PRRC2C: variants seen among roughly 807,000 people sequenced by gnomAD.
PRRC2C encodes protein PRRC2C.
A neutral mutation model predicts 317.2 loss-of-function variants in PRRC2C; 72 were observed. The observed-to-expected ratio is 0.23, with a 90% CI of 0.19 to 0.28. The LOEUF is 0.28. Among genes scored for constraint, PRRC2C ranks in the 10% least tolerant of loss-of-function variants. PRRC2C has a pLI of 1.00. For missense variants in PRRC2C, 3,074 were observed against 3,459.7 expected (o/e 0.89, Z 2.80); for synonymous variants, 1,296 against 1,205.9 (o/e 1.07, Z -1.55).
intron 17 of PRRC2C, among the ~76,000 whole-genome samples, chr1:171,546,950 A>G (rs1023865856): frequency 6.6e-6 from 1 of 151,838 alleles, no homozygotes; most frequent in African/African-American, 2.4e-5. Flanking sequence ...TAATAGGCCC[A>G]GGGCAGTGGC....
intron 1 of PRRC2C, among the ~76,000 whole-genome samples, chr1:171,506,105 T>C (rs1299324732): frequency 6.6e-6 from 1 of 152,134 alleles, no homozygotes; most frequent in Non-Finnish European, 1.5e-5. Flanking sequence ...CCATTTTGGC[T>C]AGACTGGTCT....
In PRRC2C at chr1:171,540,199, G is replaced by A; in HGVS notation, c.2733G>A (p.Glu911=). The change falls in exon 16 of 35, where the codon GAG becomes GAA. Residue 911 remains glutamate, a synonymous_variant. Coordinates refer to ENST00000647382, the MANE Select transcript of PRRC2C (RefSeq NM_001387844.1). ...AAAAGACCTTATCCGCTCCTCAAGAGGAGCGGATTTCAGCTGTAGAAAGTC... is the reference window on the plus strand; with the variant it reads ...AAAAGACCTTATCCGCTCCTCAAGAAGAGCGGATTTCAGCTGTAGAAAGTC... The part of the protein sequence containing the change: ...PDQKTLSAPQ[E]ERISAVESQP... The A allele has an allele frequency of 3.7e-6, 6 of 1,613,910 alleles. No individual in the cohort carries two copies. In the South Asian group the frequency reaches 5.5e-5, roughly 15 times the overall value.
chr1:171,532,669 G>A lies in PRRC2C; in HGVS notation c.1581G>A (p.Gln527=). The A allele has an allele frequency of 6.4e-7, 1 of 1,551,528 alleles. No individual in the cohort carries two copies. The highest frequency in any genetic ancestry group is 8.7e-7 in the Non-Finnish European group (1 of 1,147,012). The change falls in exon 12 of 35, where the codon CAG becomes CAA. Residue 527 remains glutamine (Q), a synonymous_variant. Transcript: ENST00000647382. ...REKELEKEQE[Q]EREKEREKDR... is the part of the protein sequence containing the mutation. ...AAGAACTTGAAAAAGAACAAGAACAGGAGCGAGAGAAGGAGAGGGAAAAAG... is the reference window on the plus strand; with the variant it reads ...AAGAACTTGAAAAAGAACAAGAACAAGAGCGAGAGAAGGAGAGGGAAAAAG...
intron 28 of PRRC2C, among the ~76,000 whole-genome samples, chr1:171,581,194 A>G (rs1167216577): frequency 6.6e-6 from 1 of 152,228 alleles, no homozygotes; most frequent in Non-Finnish European, 1.5e-5. Flanking sequence ...AGCCCCAACT[A>G]GAAGCTAAAG....
In PRRC2C at chr1:171,588,459, C is replaced by T; in HGVS notation, c.8153C>T (p.Ala2718Val). Reference protein sequence around the residue: ...VYQKQFQSAPATVRMTQPFPT... With the variant: ...VYQKQFQSAPVTVRMTQPFPT... ...CAGAAGCAGTTCCAGTCAGCCCCTGCCACTGTGAGAATGACACAACCATTT... is the reference window on the plus strand; with the variant it reads ...CAGAAGCAGTTCCAGTCAGCCCCTGTCACTGTGAGAATGACACAACCATTT... Residue 2718 changes from alanine (A) to valine (V), a missense_variant, in exon 33 of 35, where the codon GCC becomes GTC. Around this residue, in one of 11 missense-constraint regions of PRRC2C, gnomAD observed 490 missense variants for 663.1 expected, o/e 0.74. Coordinates refer to ENST00000647382, the MANE Select transcript of PRRC2C (RefSeq NM_001387844.1). The T allele has an allele frequency of 1.2e-6, 2 of 1,613,806 alleles. No individual in the cohort carries two copies. The highest frequency in any genetic ancestry group is 2.2e-5 in the South Asian group (2 of 91,060).
At chr1:171,512,278 A>C (rs1044763015) in intron 2 of PRRC2C, 78 bp downstream of exon 2, 9 of 1,031,702 alleles carry the variant, frequency 8.7e-6, no homozygotes, top group East Asian at 8.3e-5. Flanking sequence ...TGCTATGAGA[A>C]GCTAGGATGT....
chr1:171,512,215 G>A lies in PRRC2C; in HGVS notation c.112+15G>A, dbSNP rs771184348. 1.1e-4 allele frequency: 165 copies of A among 1,478,810 alleles called. No homozygotes were observed. The highest frequency in any genetic ancestry group is 1.4e-4 in the Non-Finnish European group (151 of 1,079,244). 91.6% of individuals were successfully genotyped at this position (1,478,810 alleles called of 1,614,324 possible). A position where few individuals can be genotyped will look rare whatever the true frequency, so the allele number is the denominator to read the frequency against. On this transcript the variant is annotated intron_variant, in intron 2 of 34. Coordinates refer to ENST00000647382, the MANE Select transcript of PRRC2C (RefSeq NM_001387844.1). ...GAAAACCACAGGTGAGTAAAATCAA[G>A]TGACACTTATGTTTTTCATGGTTTG... is the stretch of plus-strand genomic sequence containing the variant.
intron 34 of PRRC2C, chr1:171,591,379 T>TG (rs1314868209): frequency 8.6e-5 from 54 of 628,492 alleles, no homozygotes; most frequent in Non-Finnish European, 1.2e-4. Flanking sequence ...TGTGGTTTTT[T>TG]TTTTTTTTTT....
chr1:171,504,063 A>G (rs1424883689), intron 1 of PRRC2C, among the ~76,000 whole-genome samples: 1 of 152,142 alleles, frequency 6.6e-6, no homozygotes, highest in Non-Finnish European at 1.5e-5. Context: ...GACAGAGCCA[A>G]ACCATATCAC....
intron 23 of PRRC2C, among the ~76,000 whole-genome samples, chr1:171,571,027 T>G (rs1684694611): frequency 6.6e-6 from 1 of 152,212 alleles, no homozygotes; most frequent in Non-Finnish European, 1.5e-5. Flanking sequence ...ATGTACATAT[T>G]AAAATATGAG....
intron 30 of PRRC2C, among the ~76,000 whole-genome samples, chr1:171,585,863 GT>G (rs934600137): frequency 3.3e-5 from 5 of 150,952 alleles, no homozygotes; most frequent in Admixed American, 1.3e-4. Context: ...TTTCAGATTG[GT>G]TTTTTTTTGT....
In PRRC2C at chr1:171,557,240, G is replaced by T; in HGVS notation, c.5128G>T (p.Val1710Phe). The change falls in exon 19 of 35, where the codon GTC (valine) becomes TTC (phenylalanine). Residue 1710 changes from valine to phenylalanine, a missense_variant and splice_region_variant. Coordinates refer to ENST00000647382, the MANE Select transcript of PRRC2C (RefSeq NM_001387844.1). ...RRKKEEQVIQ[V>F]WNKKNANEKG... ...AAATGGTCCCCGTTAATTTTTTAAG[G>T]TCTGGAACAAAAAGAATGCAAATGA... 1.3e-6 allele frequency: 2 copies of T among 1,542,284 alleles called. No individual in the cohort carries two copies. The highest frequency in any genetic ancestry group is 1.8e-6 in the Non-Finnish European group (2 of 1,142,754).
At position 171,584,056 on chromosome 1, in the gene PRRC2C, G is replaced by A; in HGVS notation, c.7510G>A (p.Ala2504Thr). ...TCCAACTGTCCAACACCAAGAACTTGCCAAGGCACAATCCGGTCTTGCCTT... is the reference window on the plus strand; with the variant it reads ...TCCAACTGTCCAACACCAAGAACTTACCAAGGCACAATCCGGTCTTGCCTT... ...NFPTVQHQELAKAQSGLAFQQ... is the reference protein window; with the variant it reads ...NFPTVQHQELTKAQSGLAFQQ... The change falls in exon 29 of 35, where the codon GCC becomes ACC. Residue 2504 changes from alanine (A) to threonine (T), a missense_variant. Coordinates refer to ENST00000647382, the MANE Select transcript of PRRC2C (RefSeq NM_001387844.1). 1.9e-6 allele frequency: 3 copies of A among 1,613,922 alleles called. No homozygotes were observed. Among genetic ancestry groups the A allele is most frequent in the South Asian group, 1.1e-5 (1 of 91,082 alleles).
At chr1:171,529,889 GT>G (rs1206771374) in intron 11 of PRRC2C, among the ~76,000 whole-genome samples, 1 of 152,032 alleles carries the variant, frequency 6.6e-6, no homozygotes, top group African/African-American at 2.4e-5. Flanking sequence ...TGAAATCGTT[GT>G]TATGATCAGG....
At chr1:171,517,301 G>A (rs1423764373) in intron 5 of PRRC2C, among the ~76,000 whole-genome samples, 3 of 152,134 alleles carry the variant, frequency 2.0e-5, no homozygotes, top group African/African-American at 7.2e-5. Flanking sequence ...ATGGAGAACA[G>A]TGATTTTAAT....
Position 171,557,637 on chromosome 1 carries a change from C to A in PRRC2C, c.5525C>A (p.Pro1842Gln). The A allele has an allele frequency of 6.4e-7, 1 of 1,551,726 alleles. No homozygotes were observed. Among genetic ancestry groups the A allele is most frequent in the South Asian group, 1.2e-5 (1 of 84,066 alleles). ...TCAGCTCCAGCCTCAGCCCCAGCTC[C>A]AACCCCCATCCTTGCCTCAGTTTCA... ...SSSAPASAPA[P>Q]TPILASVSTP... The change falls in exon 19 of 35, where the codon CCA (proline) becomes CAA (glutamine). Residue 1842 changes from proline (P) to glutamine (Q), a missense_variant. This residue lies in a region of PRRC2C where 640 missense variants were observed against 676.1 expected (regional missense o/e 0.95). Coordinates refer to ENST00000647382, the MANE Select transcript of PRRC2C (RefSeq NM_001387844.1).
intron 10 of PRRC2C, among the ~76,000 whole-genome samples, chr1:171,527,376 G>A (rs1440862103): frequency 2.0e-5 from 3 of 151,438 alleles, no homozygotes; most frequent in Admixed American, 6.6e-5. Context: ...CAGGTGATCC[G>A]CCTGCCTCGG....
At position 171,541,395 on chromosome 1, in the gene PRRC2C, A is replaced by G. The variant is rs903871302; in HGVS notation, c.3929A>G (p.Asp1310Gly). The change falls in exon 16 of 35, where the codon GAT becomes GGT. Residue 1310 changes from aspartate (D) to glycine (G), a missense_variant. By Grantham distance (94) the Asp-to-Gly change is moderately conservative (BLOSUM62 -1). Coordinates refer to ENST00000647382, the MANE Select transcript of PRRC2C (RefSeq NM_001387844.1). The surrounding 1 kb of genome is among the most constrained non-coding windows in gnomAD (Gnocchi z 4.1). Reference protein sequence around the residue: ...PVKPHSSFKPDNHVRIDNRLL... With the variant: ...PVKPHSSFKPGNHVRIDNRLL... ...AAGCCTCATTCTTCTTTCAAGCCTG[A>G]TAATCATGTTCGAATAGATAATAGA... 7 of 1,613,474 alleles carry G rather than the reference A, an allele frequency of 4.3e-6. No individual in the cohort carries two copies. The highest frequency in any genetic ancestry group is 4.0e-5 in the African/African-American group (3 of 74,996).
intron 18 of PRRC2C, among the ~76,000 whole-genome samples, chr1:171,556,563 A>G (rs1466887573): frequency 6.6e-6 from 1 of 152,202 alleles, no homozygotes; most frequent in East Asian, 1.9e-4. Context: ...TGGAATGGCA[A>G]CGACTACTTC....
Sources: gnomAD v4.1 joint callset for allele counts (sites outside exome capture counted in the v4.1 genomes callset) on GRCh38, gnomAD v4.1.1 for gene constraint, gnomAD v4.1.1 regional missense constraint, Gnocchi (gnomAD v3.1) non-coding constraint, MANE v1.5 for transcripts, NCBI Gene and HGNC (gene_info 2026-07-23, HGNC 2026-07-21) for gene names.